CLCA2: variants seen among roughly 807,000 people sequenced by gnomAD.
The protein encoded by CLCA2 is chloride channel accessory 2, also known as calcium-activated chloride channel regulator 2.
CLCA2 carries 85 observed loss-of-function variants against 82.9 expected under a neutral mutation model. The ratio of observed to expected loss-of-function variants is 1.03; its 90% confidence interval spans 0.86 to 1.23. The LOEUF is 1.23. Ranked by LOEUF, CLCA2 falls within the 50% of genes most tolerant of loss-of-function variation. The pLI is 0.00. For missense variants in CLCA2, 1,089 were observed against 1,124.8 expected (o/e 0.97, Z 0.45); for synonymous variants, 421 against 391.7 (o/e 1.07, Z -0.88).
In CLCA2 at chr1:86,447,616, G is replaced by T. The variant is rs1483332573; in HGVS notation, c.1822G>T (p.Glu608Ter). 3.8e-5 allele frequency: 61 copies of T among 1,613,998 alleles called. No homozygotes were observed. The highest frequency in any genetic ancestry group is 4.9e-5 in the Non-Finnish European group (58 of 1,180,010). The change falls in exon 11 of 14, where the codon GAA (glutamate) becomes TAA (stop). Residue 608 changes from glutamate (E) to a stop codon, truncating the protein, a stop_gained. Coordinates refer to ENST00000370565, the MANE Select transcript of CLCA2 (RefSeq NM_006536.7). LOFTEE classifies it high-confidence loss of function. The stretch of plus-strand genomic sequence containing the variant: ...CTCAGCTGTGCCCCCAGCCACTGTG[G>T]AAGCCTTTGTGGAAAGAGACAGCCT... The part of the protein sequence containing the change: ...SNSAVPPATV[E>*]AFVERDSLHF...
At chr1:86,431,290 T>C (rs1160953097) in intron 4 of CLCA2, among the ~76,000 whole-genome samples, 3 of 152,228 alleles carry the variant, frequency 2.0e-5, no homozygotes, top group Admixed American at 6.5e-5. Flanking sequence ...ATTTTTTCAA[T>C]ATTTCTTCAG....
In CLCA2 at chr1:86,443,855, T is replaced by C. The variant is rs371324190; in HGVS notation, c.1557T>C (p.Thr519=). The change falls in exon 10 of 14, where the codon ACT becomes ACC. Residue 519 remains threonine (T), a synonymous_variant. Coordinates refer to ENST00000370565, the MANE Select transcript of CLCA2 (RefSeq NM_006536.7). ...AAAACACAGTGACTGTGGATAATACTGTGGGCAACGACACTATGTTTCTAG... is the reference window on the plus strand; with the variant it reads ...AAAACACAGTGACTGTGGATAATACCGTGGGCAACGACACTATGTTTCTAG... ...QLKNTVTVDN[T]VGNDTMFLVT... is the part of the protein sequence containing the mutation. 4.8e-5 allele frequency: 78 copies of C among 1,613,996 alleles called. No homozygotes were observed. Among genetic ancestry groups the C allele is most frequent in the Non-Finnish European group, 6.3e-5 (74 of 1,179,986 alleles).
chr1:86,452,624 A>G (rs1662995756), intron 12 of CLCA2, among the ~76,000 whole-genome samples: 1 of 151,960 alleles, frequency 6.6e-6, no homozygotes. Flanking sequence ...TGTTCCCTCT[A>G]CCTAGAATGT....
intron 1 of CLCA2, among the ~76,000 whole-genome samples, chr1:86,424,995 T>C (rs753698892): frequency 2.6e-5 from 4 of 152,180 alleles, no homozygotes; most frequent in Non-Finnish European, 5.9e-5. Flanking sequence ...TTAGTATTGC[T>C]TTAGTGAAAT....
chr1:86,445,216 AACT>A (rs1662824358), intron 10 of CLCA2, among the ~76,000 whole-genome samples: 1 of 151,932 alleles, frequency 6.6e-6, no homozygotes, highest in Non-Finnish European at 1.5e-5. Context: ...ACAGCCCCTT[AACT>A]AGCCTTCTTG....
rs779123218 is a variant in CLCA2 at position 86,432,478 on chromosome 1, A to G, written c.694A>G (p.Ser232Gly). Residue 232 changes from serine (S) to glycine (G), a missense_variant, in exon 5 of 14, where the codon AGC becomes GGC. Transcript: ENST00000370565. Reference sequence around the variant, plus strand: ...AGAAGGATGCACCTTTATCTACAATAGCACCCAAAATGCAACTGCATCAAT... The same window carrying G: ...AGAAGGATGCACCTTTATCTACAATGGCACCCAAAATGCAACTGCATCAAT... The part of the protein sequence containing the change: ...FKEGCTFIYN[S>G]TQNATASIMF... 1 of 1,614,060 alleles carries G rather than the reference A, an allele frequency of 6.2e-7. No homozygotes were observed. Among genetic ancestry groups the G allele is most frequent in the Non-Finnish European group, 8.5e-7 (1 of 1,179,980 alleles).
chr1:86,436,630 A>G (rs189242227), intron 6 of CLCA2, among the ~76,000 whole-genome samples: 4 of 152,184 alleles, frequency 2.6e-5, no homozygotes, highest in African/African-American at 9.7e-5. Context: ...GAAAAACTAA[A>G]AACTCCACTA....
At chr1:86,426,104 G>A (rs1662380890) in intron 2 of CLCA2, among the ~76,000 whole-genome samples, 1 of 151,998 alleles carries the variant, frequency 6.6e-6, no homozygotes, top group Non-Finnish European at 1.5e-5. Flanking sequence ...TCATGATTAA[G>A]CACCCATGAT....
At chr1:86,443,054 G>A (rs980038890) in intron 9 of CLCA2, among the ~76,000 whole-genome samples, 1 of 150,760 alleles carries the variant, frequency 6.6e-6, no homozygotes, top group Admixed American at 6.6e-5. Flanking sequence ...TTGAGATGGA[G>A]TCTTGCTCTT....
At chr1:86,438,086 AC>A (rs749987161) in intron 6 of CLCA2, among the ~76,000 whole-genome samples, 122 of 152,112 alleles carry the variant, frequency 8.0e-4, no homozygotes, top group Admixed American at 1.6e-3. Flanking sequence ...TAAGCCAGAA[AC>A]CTGTGTCCTA....
chr1:86,449,560 A>C (rs1662919560), intron 11 of CLCA2, among the ~76,000 whole-genome samples: 1 of 152,254 alleles, frequency 6.6e-6, no homozygotes, highest in Non-Finnish European at 1.5e-5. Flanking sequence ...ATCTATCTTG[A>C]TAATAAAATG....
At chr1:86,430,792 T>C in intron 3 of CLCA2, 70 bp from the exon 4 acceptor site, 1 of 1,102,626 alleles carries the variant, frequency 9.1e-7, no homozygotes, top group Non-Finnish European at 1.4e-6. Flanking sequence ...AAATGTTACG[T>C]CTTCACTAGT....
At chr1:86,454,034 A>G (rs542640997) in intron 13 of CLCA2, among the ~76,000 whole-genome samples, 1 of 152,298 alleles carries the variant, frequency 6.6e-6, no homozygotes, top group South Asian at 2.1e-4. Context: ...ACTTCTGGCC[A>G]TTATGTTTGC....
chr1:86,438,770 A>G, intron 6 of CLCA2, 106 bp from the exon 7 acceptor site: 2 of 890,958 alleles, frequency 2.2e-6, no homozygotes. Context: ...TTATGATCCA[A>G]CATCTCTAAA....
chr1:86,441,741 C>T (rs1352022658), intron 9 of CLCA2, among the ~76,000 whole-genome samples, 198 bp downstream of exon 9: 4 of 152,220 alleles, frequency 2.6e-5, no homozygotes, highest in Admixed American at 6.5e-5. Context: ...CCACAATTGC[C>T]ACCTCAGCTT....
Position 86,450,536 on chromosome 1 carries a change from T to A in CLCA2, c.1985-27T>A, listed in dbSNP as rs750028852. The A allele has an allele frequency of 4.6e-5, 73 of 1,577,626 alleles. No homozygotes were observed. In the South Asian group the frequency reaches 7.9e-4, roughly 17 times the overall value. On this transcript the variant is annotated intron_variant, in intron 11 of 13. Coordinates refer to ENST00000370565, the MANE Select transcript of CLCA2 (RefSeq NM_006536.7). ...TAGTAATCTACTATAATAACAAGTG[T>A]TGACACTGTGTTTTTTATATATACA...
rs570422361 is a variant in CLCA2 at position 86,430,884 on chromosome 1, G to A, written c.498G>A (p.Trp166Ter). Residue 166 changes from tryptophan (W) to a stop codon, truncating the protein, a stop_gained, in exon 4 of 14, where the codon TGG becomes TGA. Coordinates refer to ENST00000370565, the MANE Select transcript of CLCA2 (RefSeq NM_006536.7). LOFTEE classifies it high-confidence loss of function. Reference protein sequence around the residue: ...GSRGRVFVHEWAHLRWGVFDE... With the variant: ...GSRGRVFVHE ...CAGGCCGAGTGTTTGTCCATGAATG[G>A]GCCCACCTCCGTTGGGGTGTGTTCG... The A allele has an allele frequency of 6.2e-7, 1 of 1,613,282 alleles. No homozygotes were observed. The highest frequency in any genetic ancestry group is 8.5e-7 in the Non-Finnish European group (1 of 1,179,672).
chr1:86,445,925 T>C lies in CLCA2; in HGVS notation c.1714-1583T>C, dbSNP rs564092477. On this transcript the variant is annotated intron_variant, in intron 10 of 13. Coordinates refer to ENST00000370565, the MANE Select transcript of CLCA2 (RefSeq NM_006536.7). ...CACAGTATCCTTCCAAGACGATCTA[T>C]AGAATTCAAAACTGTACAAAAATTT... Among the ~76,000 whole-genome samples the C allele has an allele frequency of 2.6e-5, 4 of 152,220 alleles. No homozygotes were observed. In the South Asian group the frequency reaches 6.2e-4, roughly 24 times the overall value.
At chr1:86,441,697 C>T (rs1662740160) in intron 9 of CLCA2, among the ~76,000 whole-genome samples, 154 bp downstream of exon 9, 1 of 152,200 alleles carries the variant, frequency 6.6e-6, no homozygotes. Flanking sequence ...CTTGGCATCA[C>T]CAGAGCCAGG....
Sources: gnomAD v4.1 joint callset for allele counts (sites outside exome capture counted in the v4.1 genomes callset) on GRCh38, gnomAD v4.1.1 for gene constraint, MANE v1.5 for transcripts, NCBI Gene and HGNC (gene_info 2026-07-23, HGNC 2026-07-21) for gene names.